MUC4: variants seen among roughly 807,000 people sequenced by gnomAD.
MUC4 encodes mucin 4, cell surface associated.
A neutral mutation model predicts 257.9 loss-of-function variants in MUC4; 202 were observed. The observed-to-expected ratio is 0.78, with a 90% CI of 0.70 to 0.88. MUC4 has a LOEUF of 0.88. Among genes scored for constraint, MUC4 ranks in the 40% least tolerant of loss-of-function variants. MUC4 has a pLI of 0.00. For synonymous variants in MUC4, 2,351 were observed against 2,757.1 expected, an observed-to-expected ratio of 0.85 and a Z score of 4.62; for missense variants, 5,976 against 6,513.7, an observed-to-expected ratio of 0.92 and a Z score of 2.84.
rs569723998 is a variant in MUC4, at chr3:195,788,676, C to G, written c.2904G>C (p.Thr968=). 11 of 1,593,640 alleles carry G rather than the reference C, an allele frequency of 6.9e-6. No homozygotes were observed. Among genetic ancestry groups the G allele is most frequent in the South Asian group, 1.1e-5 (1 of 90,290 alleles). The change falls in exon 2 of 25, where the codon ACG becomes ACC. Residue 968 remains threonine, a synonymous_variant. Coordinates refer to ENST00000463781, the MANE Select transcript of MUC4 (RefSeq NM_018406.7). ...SPSGSGKTFT[T]ALISNATPLP... ...GAGGGGTGGCGTTGCTGATGAGGGC[C>G]GTGGTGAAGGTTTTACCAGACCCTG...
In MUC4 at chr3:195,754,216, C is replaced by T. The variant is rs1560224361; in HGVS notation, c.15325G>A (p.Ala5109Thr). ...PNLTGDGRHCAALGSSFLCQN... is the reference protein window; with the variant it reads ...PNLTGDGRHCTALGSSFLCQN... ...CCAGGCCCTGTTCCCGGCTCACCCG[C>T]ACAGTGCCGCCCATCCCCAGTCAGG... Residue 5109 changes from alanine to threonine, a missense_variant, in exon 19 of 25, where the codon GCG becomes ACG. This residue lies in a region of MUC4 where 996 missense variants were observed against 1,137.3 expected (regional missense o/e 0.88). Transcript: ENST00000463781. 6.2e-7 allele frequency: 1 copy of T among 1,612,688 alleles called. No individual in the cohort carries two copies. Among genetic ancestry groups the T allele is most frequent in the East Asian group, 2.2e-5 (1 of 44,824 alleles).
chr3:195,790,445 A>G lies in MUC4; in HGVS notation c.1135T>C (p.Ser379Pro). Residue 379 changes from serine (S) to proline (P), a missense_variant, in exon 2 of 25, where the codon TCC (serine) becomes CCC (proline). Coordinates refer to ENST00000463781, the MANE Select transcript of MUC4 (RefSeq NM_018406.7). ...AATGTATTGCTGACACTGGAAGGGG[A>G]TGAGGTGGTTGTTTCACCAGAAGGG... Reference protein sequence around the residue: ...TFPSGETTTSSPSSVSNTFLV... With the variant: ...TFPSGETTTSPPSSVSNTFLV... The G allele has an allele frequency of 3.1e-6, 5 of 1,613,800 alleles. No individual in the cohort carries two copies. The highest frequency in any genetic ancestry group is 3.4e-6 in the Non-Finnish European group (4 of 1,179,800).
intron 24 of MUC4, among the ~76,000 whole-genome samples, chr3:195,747,735 G>A (rs1293720206): frequency 2.0e-5 from 3 of 152,268 alleles, no homozygotes; most frequent in Admixed American, 6.5e-5. Context: ...GTGGTGGTGC[G>A]CACCTGTAAT....
chr3:195,789,137 G>T lies in MUC4; in HGVS notation c.2443C>A (p.Pro815Thr). The T allele has an allele frequency of 6.2e-7, 1 of 1,613,784 alleles. No individual in the cohort carries two copies. The highest frequency in any genetic ancestry group is 8.5e-7 in the Non-Finnish European group (1 of 1,179,842). Residue 815 changes from proline to threonine, a missense_variant, in exon 2 of 25, where the codon CCT becomes ACT. Physicochemically the swap from Pro to Thr is conservative, Grantham distance 38. Around this residue, in one of 44 missense-constraint regions of MUC4, gnomAD observed 1,583 missense variants for 1,257.4 expected, o/e 1.26. Coordinates refer to ENST00000463781, the MANE Select transcript of MUC4 (RefSeq NM_018406.7). ...PSSSGASGTT[P>T]SGSEGISTSG... is the part of the protein sequence containing the mutation. ...GTGGATATTCCTTCGCTTCCTGAAG[G>T]TGTTGTGCCACTCGCCCCGGATGAG...
In MUC4 at chr3:195,746,993, C is replaced by T. The variant is rs1482056202; in HGVS notation, c.*183G>A. The T allele has an allele frequency of 9.2e-6, 8 of 866,420 alleles. No individual in the cohort carries two copies. The highest frequency in any genetic ancestry group is 1.7e-5 in the African/African-American group (1 of 59,538). 53.7% of individuals were successfully genotyped at this position (866,420 alleles called of 1,614,324 possible). A position where few individuals can be genotyped will look rare whatever the true frequency, so the allele number is the denominator to read the frequency against. On this transcript the variant is annotated 3_prime_UTR_variant, in exon 25 of 25. Transcript: ENST00000463781. The stretch of plus-strand genomic sequence containing the variant: ...GCATGTTTGATCTTTATGGCCTCCC[C>T]CTGTGCACCTGCGCCTATGGATAAG...
At chr3:195,794,425 A>G (rs1369643525) in intron 1 of MUC4, among the ~76,000 whole-genome samples, 1 of 152,094 alleles carries the variant, frequency 6.6e-6, no homozygotes, top group Non-Finnish European at 1.5e-5. Context: ...AAAGAGAGAG[A>G]GAGAAAGAGA....
intron 8 of MUC4, 28 bp from the exon 9 acceptor site, chr3:195,765,477 C>A: frequency 6.3e-7 from 1 of 1,599,696 alleles, no homozygotes; most frequent in Non-Finnish European, 8.5e-7. Flanking sequence ...GGGGAAAGGG[C>A]TTATCCAGGG....
At chr3:195,767,884 C>T (rs1721814621) in intron 7 of MUC4, among the ~76,000 whole-genome samples, 1 of 144,198 alleles carries the variant, frequency 6.9e-6, no homozygotes, top group Non-Finnish European at 1.5e-5. Flanking sequence ...CCATCACCAC[C>T]ATCACCACCA....
chr3:195,791,226 T>C lies in MUC4; in HGVS notation c.354A>G (p.Glu118=). The part of the protein sequence containing the change: ...HNVMETAPPD[E]MTTSFPSSVT... ...CACTGGAGGGAAATGATGTGGTCAT[T>C]TCATCTGGAGGAGCTGTCTCCATCA... The change falls in exon 2 of 25, where the codon GAA becomes GAG. Residue 118 remains glutamate (E), a synonymous_variant. Transcript: ENST00000463781. 6.2e-7 allele frequency: 1 copy of C among 1,613,696 alleles called. No individual in the cohort carries two copies.
At chr3:195,758,292 G>A (rs1718060094) in intron 17 of MUC4, among the ~76,000 whole-genome samples, 1 of 152,074 alleles carries the variant, frequency 6.6e-6, no homozygotes, top group Non-Finnish European at 1.5e-5. Flanking sequence ...GAGAGGGAGC[G>A]ATGGCACTCT....
chr3:195,754,729 T>G (rs1479678930), intron 18 of MUC4, among the ~76,000 whole-genome samples: 2 of 151,146 alleles, frequency 1.3e-5, no homozygotes, highest in South Asian at 4.2e-4. Flanking sequence ...AATGAATGAA[T>G]GTATCCATGT....
intron 5 of MUC4, 50 bp downstream of exon 5, chr3:195,771,602 C>A (rs961102871): frequency 6.3e-7 from 1 of 1,591,578 alleles, no homozygotes. Flanking sequence ...CTCTTTGTCT[C>A]CCCTGCCAGC....
chr3:195,798,959 G>A (rs938747192), intron 1 of MUC4, among the ~76,000 whole-genome samples: 1 of 152,082 alleles, frequency 6.6e-6, no homozygotes, highest in Non-Finnish European at 1.5e-5. Context: ...CTAGGGTGCT[G>A]TATAAAAACT....
At position 195,788,468 on chromosome 3, in the gene MUC4, C is replaced by G; in HGVS notation, c.3112G>C (p.Val1038Leu). 1 of 1,511,906 alleles carries G rather than the reference C, an allele frequency of 6.6e-7. No homozygotes were observed. Among genetic ancestry groups the G allele is most frequent in the Non-Finnish European group, 8.9e-7 (1 of 1,123,802 alleles). 93.7% of individuals were successfully genotyped at this position (1,511,906 alleles called of 1,614,324 possible). The part of the protein sequence containing the change: ...TDTSSESTGH[V>L]TPLPVTSFSS... ...AAGCTGGTGACAGGAAGAGGGGTGA[C>G]GTGACCTGTGGATTCTGAGGAAGTG... Residue 1038 changes from valine (V) to leucine (L), a missense_variant, in exon 2 of 25, where the codon GTC (valine) becomes CTC (leucine). Physicochemically the swap from Val to Leu is conservative, Grantham distance 32. Coordinates refer to ENST00000463781, the MANE Select transcript of MUC4 (RefSeq NM_018406.7).
chr3:195,758,739 T>C (rs1220934926), intron 17 of MUC4, among the ~76,000 whole-genome samples: 1 of 151,118 alleles, frequency 6.6e-6, no homozygotes, highest in Non-Finnish European at 1.5e-5. Flanking sequence ...TTTTTTTTTT[T>C]TTTGTATTTT....
In MUC4 at chr3:195,811,727, ATCACTTACC is replaced by A; in HGVS notation, c.82_82+8del. 2.5e-6 allele frequency: 4 copies of A among 1,613,200 alleles called. No individual in the cohort carries two copies. The highest frequency in any genetic ancestry group is 3.4e-6 in the Non-Finnish European group (4 of 1,179,704). ...GCAGCCAGCCTCATCTGCTGTCTCCATCACTTACCTGGGACCACATGCGGAAGGAGGCAG... is the reference window on the plus strand; with the variant it reads ...GCAGCCAGCCTCATCTGCTGTCTCCATGGGACCACATGCGGAAGGAGGCAG... On this transcript the variant is annotated splice_donor_variant and splice_donor_5th_base_variant and coding_sequence_variant and intron_variant, in exon 1 of 25. Coordinates refer to ENST00000463781, the MANE Select transcript of MUC4 (RefSeq NM_018406.7). LOFTEE classifies it high-confidence loss of function.
In MUC4 at chr3:195,789,508, G is replaced by T; in HGVS notation, c.2072C>A (p.Ala691Glu). 6.2e-7 allele frequency: 1 copy of T among 1,613,976 alleles called. No homozygotes were observed. The highest frequency in any genetic ancestry group is 1.1e-5 in the South Asian group (1 of 91,082). The stretch of plus-strand genomic sequence containing the variant: ...GGGAGCTGGGGCAAAGGTTGTTGCT[G>T]CACTTATGGTGGGTGCGTCCTGAGG... ...IVPQDAPTISAATTFAPAPTG... is the reference protein window; with the variant it reads ...IVPQDAPTISEATTFAPAPTG... Residue 691 changes from alanine (A) to glutamate (E), a missense_variant, in exon 2 of 25, where the codon GCA becomes GAA. This residue lies in a region of MUC4 where 1,583 missense variants were observed against 1,257.4 expected (regional missense o/e 1.26). Coordinates refer to ENST00000463781, the MANE Select transcript of MUC4 (RefSeq NM_018406.7).
intron 3 of MUC4, among the ~76,000 whole-genome samples, chr3:195,776,105 C>A (rs1391408903): frequency 1.3e-4 from 5 of 37,248 alleles, no homozygotes; most frequent in Admixed American, 1.2e-3. Flanking sequence ...CACACCCATA[C>A]CTTCCACACC....
chr3:195,783,464 G>C lies in MUC4; in HGVS notation c.8116C>G (p.Pro2706Ala), dbSNP rs754853144. 8 of 926,214 alleles carry C rather than the reference G, an allele frequency of 8.6e-6. No homozygotes were observed. Among genetic ancestry groups the C allele is most frequent in the Non-Finnish European group, 1.1e-5 (8 of 706,414 alleles). The allele number at this position is 926,214 out of a possible 1,614,324, so 57.4% of individuals were successfully genotyped here. Reference protein sequence around the residue: ...SASTGDTTSLPVTDTSSAYTG... With the variant: ...SASTGDTTSLAVTDTSSAYTG... ...TATGCTGAGGAAGTGTCGGTGACAGGAAGAGAGGTGGTGTCACCTGTGGAT... is the reference window on the plus strand; with the variant it reads ...TATGCTGAGGAAGTGTCGGTGACAGCAAGAGAGGTGGTGTCACCTGTGGAT... The change falls in exon 2 of 25, where the codon CCT becomes GCT. Residue 2706 changes from proline to alanine, a missense_variant. By Grantham distance (27) the Pro-to-Ala change is conservative. Coordinates refer to ENST00000463781, the MANE Select transcript of MUC4 (RefSeq NM_018406.7).
Sources: gnomAD v4.1 joint callset for allele counts (sites outside exome capture counted in the v4.1 genomes callset) on GRCh38, gnomAD v4.1.1 for gene constraint, gnomAD v4.1.1 regional missense constraint, MANE v1.5 for transcripts, NCBI Gene and HGNC (gene_info 2026-07-23, HGNC 2026-07-21) for gene names.